Variants in MINAR1 observed in about 807,000 individuals in gnomAD.
The protein encoded by MINAR1 is membrane integral NOTCH2 associated receptor 1, also known as major intrinsically disordered Notch2-binding receptor 1.
In MINAR1, 40 loss-of-function variants were observed where a neutral mutation model predicts 65.1. The ratio of observed to expected loss-of-function variants is 0.61; its 90% CI spans 0.48 to 0.80. MINAR1 has a LOEUF of 0.80. Among genes scored for constraint, MINAR1 ranks in the 30% least tolerant of loss-of-function variants. The pLI is 0.00. For synonymous variants in MINAR1, 482 were observed against 449.1 expected (o/e 1.07, Z -0.93); for missense variants, 1,128 against 1,148.0 (o/e 0.98, Z 0.25).
intron 1 of MINAR1, among the ~76,000 whole-genome samples, chr15:79,433,211 T>C (rs541069796): frequency 6.6e-6 from 1 of 152,180 alleles, no homozygotes; most frequent in African/African-American, 2.4e-5. Flanking sequence ...GATAATTTCC[T>C]TGGGCTACCG....
rs1416406437 is a variant in MINAR1 at position 79,456,482 on chromosome 15, TACGCAAGAAGGA to T, written c.336_347del (p.Arg113_Glu116del). The stretch of plus-strand genomic sequence containing the variant: ...AAGCTGCCCACGGGCCGCCAGAAGG[TACGCAAGAAGGA>T]GGCATCCTTTGAATCATGTAGGTCG... On this transcript the variant is annotated inframe_deletion, in exon 2 of 4. Transcript: ENST00000305428. 6.2e-7 allele frequency: 1 copy of T among 1,613,922 alleles called. No individual in the cohort carries two copies. The highest frequency in any genetic ancestry group is 1.7e-5 in the Admixed American group (1 of 60,018).
intron 1 of MINAR1, among the ~76,000 whole-genome samples, chr15:79,450,128 G>A (rs1450637277): frequency 6.6e-6 from 1 of 152,178 alleles, no homozygotes; most frequent in African/African-American, 2.4e-5. Flanking sequence ...CTGGGTGTTG[G>A]GGACAGTTCT....
intron 1 of MINAR1, among the ~76,000 whole-genome samples, chr15:79,443,704 A>T (rs1483268427): frequency 6.6e-6 from 1 of 152,184 alleles, no homozygotes; most frequent in African/African-American, 2.4e-5. Flanking sequence ...TATAATATAA[A>T]CTATGTGGAT....
chr15:79,445,179 T>C (rs1894979197), intron 1 of MINAR1, among the ~76,000 whole-genome samples: 1 of 151,964 alleles, frequency 6.6e-6, no homozygotes, highest in African/African-American at 2.4e-5. Flanking sequence ...ATTATTTATG[T>C]TAATATAATA....
intron 1 of MINAR1, among the ~76,000 whole-genome samples, chr15:79,454,572 T>C (rs2141291475): frequency 6.6e-6 from 1 of 152,344 alleles, no homozygotes; most frequent in East Asian, 1.9e-4. Context: ...GGGCTTCACC[T>C]TCTCTAATGA....
chr15:79,433,012 T>C (rs918093652), intron 1 of MINAR1, among the ~76,000 whole-genome samples: 1 of 152,232 alleles, frequency 6.6e-6, no homozygotes, highest in African/African-American at 2.4e-5. Context: ...TAAATTGAGA[T>C]TTCCAGTCAC....
At chr15:79,455,344 CAA>C (rs763003919) in intron 1 of MINAR1, among the ~76,000 whole-genome samples, 1 of 151,998 alleles carries the variant, frequency 6.6e-6, no homozygotes, top group Admixed American at 6.5e-5. Flanking sequence ...TTTTTTCACT[CAA>C]TATTATATCA....
the MINAR1 span, chr15:79,413,971 ACTTCT>A: frequency 6.6e-5 from 10 of 152,098 alleles, no homozygotes; most frequent in African/African-American, 2.2e-4. Flanking sequence ...GCCAGCTTTT[ACTTCT>A]CTTCTATGGG....
intron 1 of MINAR1, among the ~76,000 whole-genome samples, chr15:79,436,827 A>T (rs1211855186): frequency 1.3e-5 from 2 of 152,208 alleles, no homozygotes; most frequent in African/African-American, 2.4e-5. Context: ...TTTTCTACTG[A>T]CGTGGCCTGT....
In MINAR1 at chr15:79,457,852, A is replaced by G; in HGVS notation, c.1705A>G (p.Asn569Asp). The G allele has an allele frequency of 6.2e-7, 1 of 1,614,082 alleles. No homozygotes were observed. The highest frequency in any genetic ancestry group is 1.1e-5 in the South Asian group (1 of 91,078). ...TGAGCACAACTTAACCAAAATTGCC[A>G]ATGGGGTCCCCAACAGCAAGGGAGA... ...SPEHNLTKIANGVPNSKGDKG... is the reference protein window; with the variant it reads ...SPEHNLTKIADGVPNSKGDKG... Residue 569 changes from asparagine (N) to aspartate (D), a missense_variant, in exon 2 of 4, where the codon AAT becomes GAT. Asn to Asp is a conservative substitution (Grantham distance 23). Transcript: ENST00000305428.
chr15:79,451,441 T>C (rs71409234), intron 1 of MINAR1, among the ~76,000 whole-genome samples: 40,602 of 151,862 alleles, frequency 0.27, 6,244 homozygotes, highest in East Asian at 0.55. Flanking sequence ...CCGGCGTGGG[T>C]GAGCAGGACT....
chr15:79,458,582 G>A (rs965013407), intron 2 of MINAR1, 137 bp downstream of exon 2: 17 of 1,100,490 alleles, frequency 1.5e-5, no homozygotes, highest in Non-Finnish European at 1.9e-5. Flanking sequence ...GTTTGGCAGG[G>A]TTTTCACATT....
chr15:79,429,277 T>C (rs763352715), upstream of MINAR1, among the ~76,000 whole-genome samples: 2 of 152,230 alleles, frequency 1.3e-5, no homozygotes, highest in Non-Finnish European at 2.9e-5. Flanking sequence ...ATGGAAACCG[T>C]CCATGTTTCT....
At chr15:79,449,170 C>T (rs985088191) in intron 1 of MINAR1, among the ~76,000 whole-genome samples, 14 of 152,102 alleles carry the variant, frequency 9.2e-5, no homozygotes, top group African/African-American at 2.4e-4. Context: ...TCGCTGTATA[C>T]GGGTAGGAGG....
At chr15:79,439,569 A>C (rs1263724519) in intron 1 of MINAR1, among the ~76,000 whole-genome samples, 2 of 151,454 alleles carry the variant, frequency 1.3e-5, no homozygotes, top group African/African-American at 2.4e-5. Context: ...TAAGGTAGGT[A>C]GTCTGTGGGC....
intron 2 of MINAR1, among the ~76,000 whole-genome samples, chr15:79,462,153 G>A (rs1176678783): frequency 6.6e-6 from 1 of 152,102 alleles, no homozygotes; most frequent in East Asian, 1.9e-4. Context: ...TCTACTTGGT[G>A]GTATTACGTT....
chr15:79,458,053 C>G lies in MINAR1; in HGVS notation c.1906C>G (p.Gln636Glu), dbSNP rs747841197. The change falls in exon 2 of 4, where the codon CAG becomes GAG. Residue 636 changes from glutamine to glutamate, a missense_variant. Physicochemically the swap from Gln to Glu is conservative, Grantham distance 29. Transcript: ENST00000305428. ...KLNKLDQKMQ[Q>E]PEKVSVQIDL... The stretch of plus-strand genomic sequence containing the variant: ...AAATAAATTGGACCAGAAAATGCAA[C>G]AGCCTGAGAAGGTGAGTGTGCAGAT... The G allele has an allele frequency of 1.4e-5, 22 of 1,614,076 alleles. No homozygotes were observed. Among genetic ancestry groups the G allele is most frequent in the Non-Finnish European group, 1.7e-5 (20 of 1,180,064 alleles).
chr15:79,416,340 C>T, the MINAR1 span: 1 of 152,316 alleles, frequency 6.6e-6, no homozygotes, highest in African/African-American at 2.4e-5. Context: ...TCTTGCCTGG[C>T]ACATCTGGAA....
In MINAR1 at chr15:79,470,461, T is replaced by TAAGAAA. The variant is rs1243484053; in HGVS notation, c.*2080_*2085dup. On this transcript the variant is annotated 3_prime_UTR_variant, in exon 4 of 4. Coordinates refer to ENST00000305428, the MANE Select transcript of MINAR1 (RefSeq NM_015206.3). ...GAGGGGGAGATGTACTTACCCAGGA[T>TAAGAAA]AAGAAAAATCTAGTCAAATCCACCC... The TAAGAAA allele has an allele frequency of 6.7e-6, 1 of 148,768 alleles. No individual in the cohort carries two copies. The highest frequency in any genetic ancestry group is 1.5e-5 in the Non-Finnish European group (1 of 68,008). The allele number at this position is 148,768 out of a possible 1,614,324, so 9.2% of individuals were successfully genotyped here.
Sources: gnomAD v4.1 joint callset for allele counts (sites outside exome capture counted in the v4.1 genomes callset) on GRCh38, gnomAD v4.1.1 for gene constraint, MANE v1.5 for transcripts, NCBI Gene and HGNC (gene_info 2026-07-23, HGNC 2026-07-21) for gene names.